Variants in ADGRE1 observed in about 807,000 individuals in gnomAD.
ADGRE1 encodes the protein adhesion G protein-coupled receptor E1, also known as EGF-like module receptor 1.
ADGRE1 carries 82 observed loss-of-function variants against 102.7 expected under a neutral mutation model. That is an observed-to-expected ratio of 0.80 (90% CI 0.67 to 0.96). The LOEUF is 0.96. Ranked by LOEUF, ADGRE1 falls within the 40% of genes least tolerant of loss-of-function variation. The probability of loss-of-function intolerance (pLI) is 0.00; values close to 1 mark genes in which losing one functional copy is unlikely to be tolerated. For missense variants in ADGRE1, 1,032 were observed against 1,085.3 expected, an observed-to-expected ratio of 0.95 and a Z score of 0.69; for synonymous variants, 398 against 399.6, an observed-to-expected ratio of 1.00 and a Z score of 0.05.
In ADGRE1 at chr19:6,916,334, C is replaced by G. The variant is rs201521467; in HGVS notation, c.1386C>G (p.Ile462Met). The G allele has an allele frequency of 6.2e-7, 1 of 1,613,502 alleles. No individual in the cohort carries two copies. The highest frequency in any genetic ancestry group is 8.5e-7 in the Non-Finnish European group (1 of 1,179,670). The change falls in exon 12 of 21, where the codon ATC (isoleucine) becomes ATG (methionine). Residue 462 changes from isoleucine to methionine, a missense_variant. Transcript: ENST00000312053. The part of the protein sequence containing the change: ...DLVAKGDKMK[I>M]GCSTIEESES... ...TAGCCAAGGGGGATAAGATGAAGAT[C>G]GGGTGTTCCACAATTGAGGAATCTG...
intron 3 of ADGRE1, chr19:6,896,813 C>T (rs563194137): frequency 7.4e-5 from 37 of 501,144 alleles, no homozygotes; most frequent in African/African-American, 5.0e-4. Flanking sequence ...CCCACCCTTC[C>T]TCTCTTTGAT....
chr19:6,927,717 G>T (rs1221833224), intron 16 of ADGRE1, among the ~76,000 whole-genome samples: 3 of 151,878 alleles, frequency 2.0e-5, no homozygotes, highest in Non-Finnish European at 4.4e-5. Flanking sequence ...GCTGGAGTGC[G>T]GTGGCGTGAT....
At chr19:6,937,163 T>G in intron 18 of ADGRE1, 80 bp from the exon 19 acceptor site, 2 of 1,518,714 alleles carry the variant, frequency 1.3e-6, no homozygotes, top group Non-Finnish European at 1.8e-6. Flanking sequence ...AGTGGCCACC[T>G]CAGACCATTC....
chr19:6,926,332 G>A (rs779890810), intron 15 of ADGRE1, 34 bp from the exon 16 acceptor site: 20 of 1,607,936 alleles, frequency 1.2e-5, no homozygotes, highest in Non-Finnish European at 1.7e-5. Context: ...TCTCTGGGGT[G>A]GAGGATTCTG....
At chr19:6,893,421 G>A (rs949016213) in intron 2 of ADGRE1, among the ~76,000 whole-genome samples, 3 of 152,026 alleles carry the variant, frequency 2.0e-5, no homozygotes, top group South Asian at 2.1e-4. Flanking sequence ...GGCTGGTCTC[G>A]AACTCCCGAT....
At chr19:6,893,802 T>C (rs1464814440) in intron 2 of ADGRE1, among the ~76,000 whole-genome samples, 4 of 152,198 alleles carry the variant, frequency 2.6e-5, no homozygotes, top group Non-Finnish European at 5.9e-5. Context: ...AAAACTTACC[T>C]ATCATTCTGG....
At chr19:6,901,559 C>T (rs1973766260) in intron 5 of ADGRE1, among the ~76,000 whole-genome samples, 1 of 152,192 alleles carries the variant, frequency 6.6e-6, no homozygotes, top group Non-Finnish European at 1.5e-5. Context: ...CAATCTACAT[C>T]TTGGGGTGTA....
chr19:6,924,139 G>C (rs1224924515), intron 14 of ADGRE1, among the ~76,000 whole-genome samples: 1 of 151,428 alleles, frequency 6.6e-6, no homozygotes, highest in African/African-American at 2.4e-5. Context: ...AAAAATCTCT[G>C]GGAGGGGATG....
intron 3 of ADGRE1, 23 bp downstream of exon 3, chr19:6,896,564 C>T: frequency 2.5e-6 from 4 of 1,607,002 alleles, no homozygotes; most frequent in Non-Finnish European, 3.4e-6. Context: ...CCCCTCAAAC[C>T]ATCCAGCATT....
chr19:6,913,526 C>A (rs1044183887), intron 10 of ADGRE1, 127 bp from the exon 11 acceptor site: 33 of 835,540 alleles, frequency 3.9e-5, no homozygotes, highest in Non-Finnish European at 4.9e-5. Flanking sequence ...AAAAGGAGCC[C>A]GAGTGGATGC....
chr19:6,920,184 G>A (rs1329207698), intron 13 of ADGRE1, among the ~76,000 whole-genome samples: 2 of 151,800 alleles, frequency 1.3e-5, no homozygotes, highest in Admixed American at 6.6e-5. Flanking sequence ...GGTGTTGCCA[G>A]GTCTTGATCT....
rs572941701 is a variant in ADGRE1, at chr19:6,887,720, G to T, written c.31+81G>T. ...AGGAGAAATGGGAGGGCCATGGATGGTCCAGCCAAGAGATCATAAGTCCAG... is the reference window on the plus strand; with the variant it reads ...AGGAGAAATGGGAGGGCCATGGATGTTCCAGCCAAGAGATCATAAGTCCAG... On this transcript the variant is annotated intron_variant, in intron 1 of 20. Coordinates refer to ENST00000312053, the MANE Select transcript of ADGRE1 (RefSeq NM_001974.5). 6.1e-5 allele frequency: 90 copies of T among 1,468,092 alleles called. No homozygotes were observed. The East Asian group carries it at 1.9e-3, about 31-fold the overall frequency. The allele number at this position is 1,468,092 out of a possible 1,614,324, so 90.9% of individuals were successfully genotyped here.
intron 5 of ADGRE1, among the ~76,000 whole-genome samples, chr19:6,899,062 T>G (rs565905045): frequency 6.6e-5 from 10 of 152,346 alleles, no homozygotes; most frequent in Admixed American, 1.3e-4. Context: ...GTGTAATTGC[T>G]TTATAGGATC....
At position 6,903,908 on chromosome 19, in the gene ADGRE1, A is replaced by G. The variant is rs1374665161; in HGVS notation, c.760A>G (p.Asn254Asp). The stretch of plus-strand genomic sequence containing the variant: ...CTGCCACCCTGGCTTTGCACCAAGC[A>G]ATGGACAGTTGAATTTCACAGACCA... Reference protein sequence around the residue: ...CTCHPGFAPSNGQLNFTDQGV... With the variant: ...CTCHPGFAPSDGQLNFTDQGV... The change falls in exon 7 of 21, where the codon AAT becomes GAT. Residue 254 changes from asparagine to aspartate, a missense_variant. Physicochemically the swap from Asn to Asp is conservative, Grantham distance 23 (BLOSUM62 1). Coordinates refer to ENST00000312053, the MANE Select transcript of ADGRE1 (RefSeq NM_001974.5). The G allele has an allele frequency of 1.9e-6, 3 of 1,614,090 alleles. No homozygotes were observed. The highest frequency in any genetic ancestry group is 2.5e-6 in the Non-Finnish European group (3 of 1,180,044).
At chr19:6,937,438 C>G in intron 19 of ADGRE1, 27 bp downstream of exon 19, 1 of 1,597,696 alleles carries the variant, frequency 6.3e-7, no homozygotes, top group Admixed American at 1.7e-5. Context: ...CTCCCCATCC[C>G]CCTCCTCCCA....
At position 6,906,791 on chromosome 19, in the gene ADGRE1, T is replaced by C. The variant is rs370446566; in HGVS notation, c.1038+270T>C. ...GCCCTCACATCTGCATTCCAGCTTG[T>C]GGGAAGGGGAGAAGAGGAAGTGAAA... On this transcript the variant is annotated intron_variant, in intron 9 of 20. Transcript: ENST00000312053. 5.3e-5 allele frequency among the ~76,000 whole-genome samples: 8 copies of C among 152,136 alleles called. No homozygotes were observed. In the South Asian group the frequency reaches 8.3e-4, roughly 16 times the overall value.
intron 2 of ADGRE1, chr19:6,895,502 T>C (rs533554159): frequency 1.2e-4 from 18 of 152,326 alleles, no homozygotes; most frequent in African/African-American, 4.3e-4. Flanking sequence ...TGTCTAGTGC[T>C]TGGATGTTCA....
intron 1 of ADGRE1, among the ~76,000 whole-genome samples, chr19:6,889,186 G>A (rs1294609456): frequency 6.6e-6 from 1 of 151,560 alleles, no homozygotes; most frequent in Non-Finnish European, 1.5e-5. Context: ...CGATGAAGAT[G>A]GTGATGTTGG....
intron 17 of ADGRE1, among the ~76,000 whole-genome samples, chr19:6,933,991 G>A (rs1975276278): frequency 6.6e-6 from 1 of 152,108 alleles, no homozygotes; most frequent in South Asian, 2.1e-4. Context: ...TGCACTTTGG[G>A]AAAATACACA....
Sources: gnomAD v4.1 joint callset for allele counts (sites outside exome capture counted in the v4.1 genomes callset) on GRCh38, gnomAD v4.1.1 for gene constraint, MANE v1.5 for transcripts, NCBI Gene and HGNC (gene_info 2026-07-23, HGNC 2026-07-21) for gene names.